The following CSMD2 variants were observed in gnomAD, a reference collection of about 807,000 sequenced individuals.
CSMD2 encodes the protein CUB and sushi domain-containing protein 2.
CSMD2 carries 130 observed loss-of-function variants against 398.5 expected under a neutral mutation model. The ratio of observed to expected loss-of-function variants is 0.33; its 90% CI spans 0.28 to 0.38. The LOEUF is 0.38. Ranked by LOEUF, CSMD2 falls within the 10% of genes least tolerant of loss-of-function variation. CSMD2 has a pLI of 1.00. For synonymous variants in CSMD2, 1,828 were observed against 1,908.5 expected (o/e 0.96, Z 1.10); for missense variants, 3,829 against 4,764.9 (o/e 0.80, Z 5.78).
chr1:33,955,280 G>T (rs1195658474), intron 3 of CSMD2, among the ~76,000 whole-genome samples: 1 of 152,214 alleles, frequency 6.6e-6, no homozygotes, highest in Non-Finnish European at 1.5e-5. Flanking sequence ...GGCGGGGTGG[G>T]AGTGTGCCGA....
At chr1:33,936,699 A>T (rs1357231949) in intron 3 of CSMD2, among the ~76,000 whole-genome samples, 1 of 152,210 alleles carries the variant, frequency 6.6e-6, no homozygotes, top group African/African-American at 2.4e-5. Context: ...GAGGGAGGAC[A>T]CAGATTCTCT....
intron 25 of CSMD2, among the ~76,000 whole-genome samples, chr1:33,671,554 T>G (rs1644498350): frequency 6.6e-6 from 1 of 152,068 alleles, no homozygotes; most frequent in Non-Finnish European, 1.5e-5. Context: ...TTCCTCAAAG[T>G]GTTTTCAGAG....
At chr1:34,138,547 T>G (rs1638976664) in intron 1 of CSMD2, among the ~76,000 whole-genome samples, 1 of 152,246 alleles carries the variant, frequency 6.6e-6, no homozygotes, top group South Asian at 2.1e-4. Flanking sequence ...CTCTTACGGT[T>G]GGCCACTTAT....
At chr1:34,025,782 A>G (rs142206148) in intron 3 of CSMD2, among the ~76,000 whole-genome samples, 1 of 152,284 alleles carries the variant, frequency 6.6e-6, no homozygotes, top group East Asian at 1.9e-4. Context: ...CTTCATCCCT[A>G]TCCAATGGAC....
chr1:33,565,112 G>A (rs1249237098), intron 53 of CSMD2, among the ~76,000 whole-genome samples: 1 of 152,228 alleles, frequency 6.6e-6, no homozygotes, highest in African/African-American at 2.4e-5. Context: ...TCTGTTGCAA[G>A]CTTTTGTGGA....
chr1:33,580,184 T>C (rs1638593812), intron 48 of CSMD2, among the ~76,000 whole-genome samples: 1 of 152,230 alleles, frequency 6.6e-6, no homozygotes, highest in African/African-American at 2.4e-5. Context: ...AAGCACCTTG[T>C]GAAGTTTTCT....
chr1:33,762,674 G>C (rs537409050), intron 13 of CSMD2, among the ~76,000 whole-genome samples: 1 of 152,270 alleles, frequency 6.6e-6, no homozygotes, highest in East Asian at 1.9e-4. Context: ...CTGAAAATCT[G>C]CCAGTTGGAA....
At chr1:33,814,846 T>C (rs764288555) in intron 9 of CSMD2, among the ~76,000 whole-genome samples, 139 of 152,194 alleles carry the variant, frequency 9.1e-4, no homozygotes, top group Non-Finnish European at 2.6e-4. Context: ...ACCATTGTCC[T>C]ACATCATAGG....
intron 19 of CSMD2, 80 bp downstream of exon 19, chr1:33,724,117 A>G: frequency 1.1e-6 from 1 of 941,304 alleles, no homozygotes; most frequent in Non-Finnish European, 1.7e-6. Context: ...GGAGATCCCC[A>G]TTGAGGTCAA....
At position 33,600,942 on chromosome 1, in the gene CSMD2, T is replaced by C; in HGVS notation, c.6779A>G (p.Gln2260Arg). Residue 2260 changes from glutamine to arginine, a missense_variant, in exon 44 of 71, where the codon CAG becomes CGG. Physicochemically the swap from Gln to Arg is conservative, Grantham distance 43 (BLOSUM62 1). Around this residue, in one of 5 missense-constraint regions of CSMD2, gnomAD observed 723 missense variants for 758.6 expected, o/e 0.95. Transcript: ENST00000373381. Reference protein sequence around the residue: ...FTRSMAKKTVQSSSNQVLLKF... With the variant: ...FTRSMAKKTVRSSSNQVLLKF... ...GAGCAGGACCTGGTTGGATGAACTCTGCACTGTTTTCTTGGCCATGCTCCG... is the reference window on the plus strand; with the variant it reads ...GAGCAGGACCTGGTTGGATGAACTCCGCACTGTTTTCTTGGCCATGCTCCG... 1 of 1,614,160 alleles carries C rather than the reference T, an allele frequency of 6.2e-7. No individual in the cohort carries two copies. Among genetic ancestry groups the C allele is most frequent in the Non-Finnish European group, 8.5e-7 (1 of 1,180,034 alleles).
At chr1:33,612,809 G>A (rs1285876756) in intron 40 of CSMD2, among the ~76,000 whole-genome samples, 2 of 151,122 alleles carry the variant, frequency 1.3e-5, no homozygotes, top group Admixed American at 1.3e-4. Flanking sequence ...AGCCTCCCAA[G>A]TAGCTGGGAC....
intron 1 of CSMD2, among the ~76,000 whole-genome samples, chr1:34,110,316 T>TCATTCAACCC (rs1660948489): frequency 6.6e-6 from 1 of 152,074 alleles, no homozygotes; most frequent in African/African-American, 2.4e-5. Flanking sequence ...AACAGAACTA[T>TCATTCAACCC]CATTCAACCC....
intron 39 of CSMD2, among the ~76,000 whole-genome samples, chr1:33,616,232 T>G (rs910358017): frequency 6.6e-6 from 1 of 152,088 alleles, no homozygotes; most frequent in Non-Finnish European, 1.5e-5. Flanking sequence ...CTTTTCCTTT[T>G]TTCTTGTCTT....
intron 57 of CSMD2, 106 bp downstream of exon 57, chr1:33,545,931 G>T: frequency 1.9e-6 from 2 of 1,078,410 alleles, no homozygotes; most frequent in Non-Finnish European, 1.3e-6. Context: ...TTCAAATGGG[G>T]CCACGGTTTT....
At chr1:33,655,565 G>A (rs964078946) in intron 27 of CSMD2, among the ~76,000 whole-genome samples, 2 of 152,190 alleles carry the variant, frequency 1.3e-5, no homozygotes, top group Admixed American at 6.5e-5. Flanking sequence ...GTGGAATCCC[G>A]AGCTCTAACC....
chr1:33,702,542 C>A (rs1380731126), intron 22 of CSMD2, among the ~76,000 whole-genome samples: 1 of 152,094 alleles, frequency 6.6e-6, no homozygotes, highest in East Asian at 1.9e-4. Flanking sequence ...AGCCTTTATT[C>A]TATGCATTTA....
intron 2 of CSMD2, among the ~76,000 whole-genome samples, chr1:34,033,746 C>T (rs1051583509): frequency 7.2e-5 from 11 of 152,168 alleles, no homozygotes; most frequent in Admixed American, 3.9e-4. Flanking sequence ...TCCTGGGTGC[C>T]GCTGTATACC....
At chr1:34,146,789 TAA>T (rs1424096248) in intron 1 of CSMD2, among the ~76,000 whole-genome samples, 2 of 151,348 alleles carry the variant, frequency 1.3e-5, no homozygotes, top group African/African-American at 4.9e-5. Flanking sequence ...TTTGGGAGAG[TAA>T]AGTTTCTGGG....
intron 6 of CSMD2, among the ~76,000 whole-genome samples, chr1:33,829,553 CCA>C (rs1390809815): frequency 6.6e-6 from 1 of 152,186 alleles, no homozygotes; most frequent in Non-Finnish European, 1.5e-5. Context: ...AGGAACAGCT[CCA>C]GTCTACAGCT....
Sources: gnomAD v4.1 joint callset for allele counts (sites outside exome capture counted in the v4.1 genomes callset) on GRCh38, gnomAD v4.1.1 for gene constraint, gnomAD v4.1.1 regional missense constraint, MANE v1.5 for transcripts, NCBI Gene and HGNC (gene_info 2026-07-23, HGNC 2026-07-21) for gene names.